The following ATP11C variants were observed in gnomAD, a reference collection of about 807,000 sequenced individuals.
The protein encoded by ATP11C is ATPase phospholipid transporting 11C (ATP11C blood group).
Under a neutral mutation model 97.4 loss-of-function variants are expected in ATP11C, and 36 were observed. The ratio of observed to expected loss-of-function variants is 0.37; its 90% confidence interval spans 0.28 to 0.49. The LOEUF (loss-of-function observed/expected upper bound fraction) is 0.49, where lower values mean the gene tolerates loss of function less well. Among genes scored for constraint, ATP11C ranks in the 20% least tolerant of loss-of-function variants. The pLI is 0.98. For missense variants in ATP11C, 730 were observed against 824.6 expected (o/e 0.89, Z 1.40); for synonymous variants, 275 against 290.9 (o/e 0.95, Z 0.56).
At chrX:139,796,928 CTTT>C (rs920467678) in intron 11 of ATP11C, among the ~76,000 whole-genome samples, 1 of 108,825 alleles carries the variant, frequency 9.2e-6, no homozygotes, top group African/African-American at 3.4e-5. Flanking sequence ...AAAAAAAACT[CTTT>C]TTTTCTTTTC....
intron 1 of ATP11C, among the ~76,000 whole-genome samples, chrX:139,847,850 C>T (rs754956636): frequency 5.4e-5 from 6 of 111,400 alleles, no homozygotes; most frequent in African/African-American, 2.0e-4. Flanking sequence ...CTGTGAACCT[C>T]TTAACTATGT....
intron 1 of ATP11C, among the ~76,000 whole-genome samples, chrX:139,914,607 A>G (rs1170144711): frequency 1.8e-5 from 2 of 112,049 alleles, no homozygotes; most frequent in African/African-American, 3.2e-5. Flanking sequence ...TGCCCTCCAT[A>G]ATGTGGGTGG....
At chrX:139,784,410 A>G (rs980604171) in intron 16 of ATP11C, among the ~76,000 whole-genome samples, 2 of 112,094 alleles carry the variant, frequency 1.8e-5, no homozygotes, top group Non-Finnish European at 3.8e-5. Context: ...TGTTCCCCCA[A>G]GGATCTGTCT....
In ATP11C at chrX:139,761,474, G is replaced by T. The variant is rs182900694; in HGVS notation, c.2640+487C>A. Among the ~76,000 whole-genome samples, 3 of 111,168 alleles carry T rather than the reference G, an allele frequency of 2.7e-5. No homozygotes were observed. In the East Asian group the frequency reaches 8.5e-4, roughly 32 times the overall value. On this transcript the variant is annotated intron_variant, in intron 22 of 29. Transcript: ENST00000682941. ...GACATGCTTATAGACAATTAGAAAT[G>T]ACTGCAAAAATTTCATTTTAGAAAA...
intron 3 of ATP11C, among the ~76,000 whole-genome samples, chrX:139,818,396 A>G (rs1403711325): frequency 9.0e-6 from 1 of 111,684 alleles, no homozygotes; most frequent in Non-Finnish European, 1.9e-5. Flanking sequence ...TAGGTAGGTG[A>G]GTGGTATACA....
chrX:139,750,380 A>G (rs1358707861), intron 23 of ATP11C, among the ~76,000 whole-genome samples: 1 of 111,862 alleles, frequency 8.9e-6, no homozygotes, highest in African/African-American at 3.2e-5. Flanking sequence ...ACAGAATCTT[A>G]TTCAGAATGT....
At chrX:139,792,112 G>C (rs1166271957) in intron 12 of ATP11C, among the ~76,000 whole-genome samples, 1 of 110,385 alleles carries the variant, frequency 9.1e-6, no homozygotes, top group Non-Finnish European at 1.9e-5. Flanking sequence ...CCTGGGGAAG[G>C]AGGAAAGAGG....
At chrX:139,892,368 G>T (rs1433391732) in intron 1 of ATP11C, among the ~76,000 whole-genome samples, 2 of 111,285 alleles carry the variant, frequency 1.8e-5, no homozygotes, top group Non-Finnish European at 3.8e-5. Context: ...GTCCAGGCAG[G>T]TGAGCAGTGA....
At position 139,761,975 on chromosome X, in the gene ATP11C, A is replaced by T; in HGVS notation, c.2626T>A (p.Tyr876Asn). 8.5e-7 allele frequency: 1 copy of T among 1,177,110 alleles called. No individual in the cohort carries two copies. Residue 876 changes from tyrosine to asparagine, a missense_variant, in exon 22 of 30, where the codon TAC becomes AAC. Tyr to Asn is a moderately radical substitution (Grantham distance 143). Transcript: ENST00000682941. ...YYVRIAHLVQYFFYKNLCFIL... is the reference protein window; with the variant it reads ...YYVRIAHLVQNFFYKNLCFIL... ...TTATCACATACCTTATAGAAGAAGT[A>T]CTGTACAAGGTGTGCTATTCTCACA... is the stretch of plus-strand genomic sequence containing the variant.
At chrX:139,756,449 A>G (rs774543491) in intron 23 of ATP11C, among the ~76,000 whole-genome samples, 5 of 112,008 alleles carry the variant, frequency 4.5e-5, no homozygotes, top group Non-Finnish European at 9.4e-5. Context: ...CAGAATTACC[A>G]TTCAACCCAG....
chrX:139,794,628 A>C (rs2082756985), intron 12 of ATP11C, among the ~76,000 whole-genome samples: 1 of 111,638 alleles, frequency 9.0e-6, no homozygotes, highest in African/African-American at 3.3e-5. Context: ...AATTTACTAG[A>C]TCATTACCCA....
chrX:139,744,971 C>A (rs2081648546), intron 25 of ATP11C, among the ~76,000 whole-genome samples: 1 of 111,501 alleles, frequency 9.0e-6, no homozygotes, highest in Non-Finnish European at 1.9e-5. Context: ...TCAGTAAATT[C>A]TTTTTGAACC....
chrX:139,733,653 T>C (rs886814792), intron 28 of ATP11C, among the ~76,000 whole-genome samples: 2 of 111,594 alleles, frequency 1.8e-5, no homozygotes, highest in Non-Finnish European at 3.8e-5. Flanking sequence ...AAAAAGATTT[T>C]AATTGTTTCT....
chrX:139,836,323 T>C (rs1403304627), intron 1 of ATP11C, among the ~76,000 whole-genome samples: 4 of 110,485 alleles, frequency 3.6e-5, no homozygotes, highest in South Asian at 7.8e-4. Flanking sequence ...CGAGACCAGA[T>C]TGGCCAACAT....
upstream of ATP11C, among the ~76,000 whole-genome samples, chrX:139,933,877 A>T (rs191896271): frequency 8.0e-4 from 90 of 112,927 alleles, no homozygotes; most frequent in East Asian, 0.021. Flanking sequence ...CCTCCCCAAC[A>T]GGGTGGTCGC....
At chrX:139,732,111 C>T (rs745568538) in intron 28 of ATP11C, among the ~76,000 whole-genome samples, 1 of 110,293 alleles carries the variant, frequency 9.1e-6, no homozygotes, top group South Asian at 3.9e-4. Context: ...GAGAGTTGTG[C>T]CGGTGCCGTA....
At chrX:139,766,418 G>A (rs2082135674) in intron 20 of ATP11C, among the ~76,000 whole-genome samples, 1 of 111,913 alleles carries the variant, frequency 8.9e-6, no homozygotes, top group African/African-American at 3.3e-5. Flanking sequence ...GAAAACCTCT[G>A]ACTAAGGGGA....
chrX:139,857,237 GCTT>G (rs1447831654), intron 1 of ATP11C, among the ~76,000 whole-genome samples: 1 of 111,291 alleles, frequency 9.0e-6, no homozygotes, highest in African/African-American at 3.3e-5. Flanking sequence ...ATCCAGAGAA[GCTT>G]CTTCTTTTAG....
At chrX:139,915,741 G>A (rs1026999650) in intron 1 of ATP11C, among the ~76,000 whole-genome samples, 2 of 111,772 alleles carry the variant, frequency 1.8e-5, no homozygotes, top group Admixed American at 1.9e-4. Flanking sequence ...TTTTTTAATT[G>A]ATATATAATA....
Sources: allele counts gnomAD v4.1 joint callset (sites outside exome capture counted in the v4.1 genomes callset), GRCh38; gene constraint gnomAD v4.1.1; transcripts MANE v1.5; gene names NCBI Gene and HGNC (gene_info 2026-07-23, HGNC 2026-07-21).